Variants in MFHAS1 observed in about 807,000 individuals in gnomAD.
The protein encoded by MFHAS1 is multifunctional ROCO family signaling regulator 1.
MFHAS1 carries 50 observed loss-of-function variants against 70.4 expected under a neutral mutation model. The ratio of observed to expected loss-of-function variants is 0.71; its 90% CI spans 0.57 to 0.90. The LOEUF (loss-of-function observed/expected upper bound fraction) is 0.90. MFHAS1 is among the 40% of genes least tolerant of loss of function. The pLI is 0.00. For synonymous variants in MFHAS1, 952 were observed against 620.0 expected (o/e 1.54, Z -7.96); for missense variants, 1,795 against 1,347.6 (o/e 1.33, Z -5.20).
At chr8:8,854,889 TG>T (rs1808378655) in intron 1 of MFHAS1, among the ~76,000 whole-genome samples, 6 of 152,080 alleles carry the variant, frequency 3.9e-5, no homozygotes, top group African/African-American at 1.4e-4. Flanking sequence ...TTTTTGGTTT[TG>T]GGTTTTTGGG....
chr8:8,799,748 T>C (rs1806023113), intron 1 of MFHAS1, among the ~76,000 whole-genome samples: 1 of 152,226 alleles, frequency 6.6e-6, no homozygotes, highest in African/African-American at 2.4e-5. Context: ...AGAGTGAGAC[T>C]CCGTCTCAAA....
At chr8:8,861,059 C>T (rs983857642) in intron 1 of MFHAS1, among the ~76,000 whole-genome samples, 1 of 152,178 alleles carries the variant, frequency 6.6e-6, no homozygotes, top group Non-Finnish European at 1.5e-5. Flanking sequence ...CATCACTTAA[C>T]GTTTCTTGGG....
chr8:8,857,898 G>T (rs1002634153), intron 1 of MFHAS1, among the ~76,000 whole-genome samples: 1 of 152,298 alleles, frequency 6.6e-6, no homozygotes, highest in South Asian at 2.1e-4. Context: ...TATGCTGACT[G>T]CCCACTTGTT....
In MFHAS1 at chr8:8,816,198, A is replaced by G. The variant is rs182632097; in HGVS notation, c.2999-18707T>C. Among the ~76,000 whole-genome samples the G allele has an allele frequency of 2.6e-5, 4 of 152,286 alleles. No individual in the cohort carries two copies. The East Asian group carries it at 7.7e-4, about 29-fold the overall frequency. ...TGGAAGTGAGCAAGGAGTGAGGGTG[A>G]TGGACATACTCATGATGGGGTCTGG... On this transcript the variant is annotated intron_variant, in intron 1 of 2. Coordinates refer to ENST00000276282, the MANE Select transcript of MFHAS1 (RefSeq NM_004225.3).
At chr8:8,786,790 C>A (rs921599639) in intron 2 of MFHAS1, among the ~76,000 whole-genome samples, 1 of 151,830 alleles carries the variant, frequency 6.6e-6, no homozygotes, top group African/African-American at 2.4e-5. Flanking sequence ...CCTCCAATCC[C>A]CCATCTCTCA....
Position 8,873,117 on chromosome 8 carries a change from T to C in MFHAS1, c.2998+16944A>G, listed in dbSNP as rs541117398. 1.8e-4 allele frequency among the ~76,000 whole-genome samples: 28 copies of C among 152,370 alleles called. 1 individual carries two copies. The South Asian group carries it at 5.2e-3, about 28-fold the overall frequency. ...AGCCAGTGAGCCATTTTTGGTATCA[T>C]AGTGTTCTTTTGGAAAATTCACATT... is the stretch of plus-strand genomic sequence containing the variant. On this transcript the variant is annotated intron_variant, in intron 1 of 2. Coordinates refer to ENST00000276282, the MANE Select transcript of MFHAS1 (RefSeq NM_004225.3).
chr8:8,804,811 G>A (rs1350610656), intron 1 of MFHAS1, among the ~76,000 whole-genome samples: 5 of 152,314 alleles, frequency 3.3e-5, no homozygotes, highest in Admixed American at 1.3e-4. Context: ...CACGGATGAC[G>A]GGCGCCTTTC....
chr8:8,892,641 G>A lies in MFHAS1; in HGVS notation c.418C>T (p.Leu140Phe), dbSNP rs763349846. ...GGCAGCTGGTTGTGGCTGAGGTTGA[G>A]CTTCCGCAGCTCCCTCAGAGCACTC... is the stretch of plus-strand genomic sequence containing the variant. ...VVSALRELRK[L>F]NLSHNQLPAL... The change falls in exon 1 of 3, where the codon CTC becomes TTC. Residue 140 changes from leucine to phenylalanine, a missense_variant. By Grantham distance (22) the Leu-to-Phe change is conservative. Coordinates refer to ENST00000276282, the MANE Select transcript of MFHAS1 (RefSeq NM_004225.3). This position sits in a 1 kb window ranked among gnomAD's most constrained non-coding sequence, Gnocchi z 4.7. 21 of 1,599,046 alleles carry A rather than the reference G, an allele frequency of 1.3e-5. No individual in the cohort carries two copies. The highest frequency in any genetic ancestry group is 2.3e-5 in the East Asian group (1 of 44,178).
At chr8:8,837,343 G>A (rs1442842645) in intron 1 of MFHAS1, among the ~76,000 whole-genome samples, 2 of 152,114 alleles carry the variant, frequency 1.3e-5, no homozygotes, top group African/African-American at 4.8e-5. Flanking sequence ...CATCCAATAA[G>A]TACATAAGAA....
chr8:8,811,302 C>A (rs1439583081), intron 1 of MFHAS1, among the ~76,000 whole-genome samples: 1 of 146,370 alleles, frequency 6.8e-6, no homozygotes, highest in African/African-American at 2.7e-5. Context: ...AATTGCAAAC[C>A]AGAATAAAAA....
intron 1 of MFHAS1, among the ~76,000 whole-genome samples, chr8:8,886,879 A>G (rs1809774308): frequency 6.6e-6 from 1 of 152,228 alleles, no homozygotes; most frequent in South Asian, 2.1e-4. Flanking sequence ...TAATCCCAGC[A>G]CTTTGCGAGA....
At chr8:8,852,673 G>T (rs1808291573) in intron 1 of MFHAS1, among the ~76,000 whole-genome samples, 1 of 152,150 alleles carries the variant, frequency 6.6e-6, no homozygotes, top group African/African-American at 2.4e-5. Flanking sequence ...TGCCATTGAT[G>T]CTTTTAATAA....
At chr8:8,872,612 G>C (rs1809120095) in intron 1 of MFHAS1, among the ~76,000 whole-genome samples, 1 of 152,162 alleles carries the variant, frequency 6.6e-6, no homozygotes, top group Non-Finnish European at 1.5e-5. Context: ...CAGATGCATA[G>C]GCTCGGATGC....
chr8:8,786,645 G>C (rs201781101), intron 2 of MFHAS1, among the ~76,000 whole-genome samples: 121 of 151,390 alleles, frequency 8.0e-4, no homozygotes, highest in African/African-American at 2.9e-3. Flanking sequence ...AAAATATCAA[G>C]TGTTTTTCTC....
At chr8:8,846,428 G>T (rs528644310) in intron 1 of MFHAS1, among the ~76,000 whole-genome samples, 45 of 151,854 alleles carry the variant, frequency 3.0e-4, no homozygotes, top group Admixed American at 5.9e-4. Context: ...CAAGTCCAAG[G>T]TATCAGTGTT....
At chr8:8,840,461 C>CAAAAAAAAAA (rs141909980) in intron 1 of MFHAS1, among the ~76,000 whole-genome samples, 3 of 82,114 alleles carry the variant, frequency 3.7e-5, no homozygotes, top group Admixed American at 1.4e-4. Flanking sequence ...CATCTCAATA[C>CAAAAAAAAAA]AAAAAAAAAA....
intron 1 of MFHAS1, among the ~76,000 whole-genome samples, chr8:8,864,170 A>T (rs1438525067): frequency 1.3e-5 from 2 of 152,248 alleles, no homozygotes; most frequent in Admixed American, 6.5e-5. Context: ...TTGTCTCAGC[A>T]GTGATTGGCT....
At position 8,891,787 on chromosome 8, in the gene MFHAS1, C is replaced by T; in HGVS notation, c.1272G>A (p.Leu424=). 6.2e-7 allele frequency: 1 copy of T among 1,613,358 alleles called. No homozygotes were observed. The highest frequency in any genetic ancestry group is 1.1e-5 in the South Asian group (1 of 91,088). The stretch of plus-strand genomic sequence containing the variant: ...TCTCCTCGGTGAGGCAGTGGCGCAG[C>T]AAAGTCTTTCCTGCAGCCTTATGCC... The part of the protein sequence containing the change: ...LMGHKAAGKT[L]LRHCLTEERV... Residue 424 remains leucine, a synonymous_variant, in exon 1 of 3, where the codon TTG becomes TTA. Coordinates refer to ENST00000276282, the MANE Select transcript of MFHAS1 (RefSeq NM_004225.3). The surrounding 1 kb of genome is among the most constrained non-coding windows in gnomAD (Gnocchi z 5.4).
chr8:8,789,373 G>A (rs1380377307), intron 2 of MFHAS1, among the ~76,000 whole-genome samples: 2 of 152,172 alleles, frequency 1.3e-5, no homozygotes, highest in Non-Finnish European at 2.9e-5. Context: ...CGGGAGGAAG[G>A]CAATAAATTC....
Sources: allele counts gnomAD v4.1 joint callset (sites outside exome capture counted in the v4.1 genomes callset), GRCh38; gene constraint gnomAD v4.1.1; non-coding constraint Gnocchi (gnomAD v3.1); transcripts MANE v1.5; gene names NCBI Gene and HGNC (gene_info 2026-07-23, HGNC 2026-07-21).